CAMTA1: variants seen among roughly 807,000 people sequenced by gnomAD.
The protein encoded by CAMTA1 is calmodulin binding transcription activator 1.
A neutral mutation model predicts 170.9 loss-of-function variants in CAMTA1; 27 were observed. That is an observed-to-expected ratio of 0.16 (90% CI 0.12 to 0.22). The LOEUF (loss-of-function observed/expected upper bound fraction) is 0.22. Among genes scored for constraint, CAMTA1 ranks in the 10% least tolerant of loss-of-function variants. The pLI is 1.00. For synonymous variants in CAMTA1, 833 were observed against 891.5 expected (o/e 0.93, Z 1.17); for missense variants, 1,619 against 2,217.2 (o/e 0.73, Z 5.42).
intron 4 of CAMTA1, among the ~76,000 whole-genome samples, chr1:7,214,183 C>T (rs1239089782): frequency 2.6e-5 from 4 of 152,140 alleles, no homozygotes; most frequent in Non-Finnish European, 5.9e-5. Flanking sequence ...GGAATCGCCA[C>T]ACTGACTTCT....
chr1:7,227,347 A>G (rs1233440146), intron 4 of CAMTA1, among the ~76,000 whole-genome samples: 1 of 152,040 alleles, frequency 6.6e-6, no homozygotes, highest in Non-Finnish European at 1.5e-5. Context: ...TTTTTGTGAG[A>G]TGGAGTTTTT....
rs938665958 is a variant in CAMTA1, at chr1:7,286,299, G to T, written c.438+36673G>T. On this transcript the variant is annotated intron_variant, in intron 5 of 22. Coordinates refer to ENST00000303635, the MANE Select transcript of CAMTA1 (RefSeq NM_015215.4). This position sits in a 1 kb window ranked among gnomAD's most constrained non-coding sequence, Gnocchi z 4.2. ...GGTGGAGGGGCGGAGGCGCCAGGGT[G>T]TGCCACGTGCTTTTAGAGCTGCCCC... 6.6e-6 allele frequency among the ~76,000 whole-genome samples: 1 copy of T among 152,240 alleles called. No individual in the cohort carries two copies. The highest frequency in any genetic ancestry group is 2.4e-5 in the African/African-American group (1 of 41,464).
chr1:7,231,731 A>G (rs549864467), intron 4 of CAMTA1, among the ~76,000 whole-genome samples: 2 of 152,306 alleles, frequency 1.3e-5, no homozygotes, highest in South Asian at 4.1e-4. Flanking sequence ...CAGCTCCCCT[A>G]TGCGGCAGCC....
chr1:7,349,302 C>T (rs1290659582), intron 5 of CAMTA1, among the ~76,000 whole-genome samples: 4 of 152,138 alleles, frequency 2.6e-5, no homozygotes, highest in African/African-American at 7.2e-5. Context: ...AATGGGGCAC[C>T]GTCCTGCCAC....
chr1:6,969,487 G>A (rs1692170132), intron 3 of CAMTA1, among the ~76,000 whole-genome samples: 1 of 152,160 alleles, frequency 6.6e-6, no homozygotes. Context: ...ATCTGCTTTG[G>A]GGCGGTGAGG....
At chr1:6,903,837 CA>C (rs1677665262) in intron 3 of CAMTA1, among the ~76,000 whole-genome samples, 1 of 152,196 alleles carries the variant, frequency 6.6e-6, no homozygotes, top group Non-Finnish European at 1.5e-5. Context: ...ACGGTGTGGA[CA>C]AAGGATTGGA....
intron 4 of CAMTA1, among the ~76,000 whole-genome samples, chr1:7,147,744 GCA>G: frequency 8.4e-6 from 1 of 119,730 alleles, no homozygotes. Flanking sequence ...CATACACCAT[GCA>G]CACACACAAA....
chr1:7,246,487 C>G (rs896413226), intron 4 of CAMTA1, among the ~76,000 whole-genome samples: 1 of 152,010 alleles, frequency 6.6e-6, no homozygotes, highest in Non-Finnish European at 1.5e-5. Flanking sequence ...TGTCTGCCTG[C>G]AATTCCATTC....
intron 4 of CAMTA1, among the ~76,000 whole-genome samples, chr1:7,152,243 C>T (rs1437131485): frequency 1.3e-5 from 2 of 152,136 alleles, no homozygotes; most frequent in Non-Finnish European, 2.9e-5. Context: ...GCCTTGGAGC[C>T]CTTTGTCTCA....
At position 7,195,848 on chromosome 1, in the gene CAMTA1, G is replaced by A. The variant is rs1006666908; in HGVS notation, c.303-53643G>A. Among the ~76,000 whole-genome samples, 3 of 152,090 alleles carry A rather than the reference G, an allele frequency of 2.0e-5. No homozygotes were observed. Among genetic ancestry groups the A allele is most frequent in the Non-Finnish European group, 4.4e-5 (3 of 68,002 alleles). On this transcript the variant is annotated intron_variant, in intron 4 of 22. Transcript: ENST00000303635. The surrounding 1 kb of genome is among the most constrained non-coding windows in gnomAD (Gnocchi z 4.1). ...AGCCTGGCCAACATGGTGAAACCCC[G>A]TCTCTACTAAGAATACAAAAATTAG...
intron 4 of CAMTA1, among the ~76,000 whole-genome samples, chr1:7,186,798 T>C (rs974382073): frequency 1.3e-5 from 2 of 152,182 alleles, no homozygotes; most frequent in African/African-American, 2.4e-5. Context: ...GAATGAATGC[T>C]GTAGTTTAGG....
At chr1:7,288,823 T>A (rs1346175547) in intron 5 of CAMTA1, among the ~76,000 whole-genome samples, 1 of 152,116 alleles carries the variant, frequency 6.6e-6, no homozygotes, top group African/African-American at 2.4e-5. Context: ...GCATTTGGTA[T>A]TAGCGGGAGA....
chr1:6,846,458 C>T (rs983252188), intron 3 of CAMTA1, among the ~76,000 whole-genome samples: 12 of 152,130 alleles, frequency 7.9e-5, no homozygotes, highest in Admixed American at 3.3e-4. Flanking sequence ...GCTTTCCTGC[C>T]TGGGGCTGTA....
Position 6,934,627 on chromosome 1 carries a change from C to T in CAMTA1, c.234+109417C>T, listed in dbSNP as rs765823335. On this transcript the variant is annotated intron_variant, in intron 3 of 22. Transcript: ENST00000303635. This position sits in a 1 kb window ranked among gnomAD's most constrained non-coding sequence, Gnocchi z 4.5. ...TTGCCTTCCAGGGGAGACCTGTGGC[C>T]GGCAGGAGCTGCCCGAGATCCCGGG... is the stretch of plus-strand genomic sequence containing the variant. 2.6e-5 allele frequency among the ~76,000 whole-genome samples: 4 copies of T among 152,124 alleles called. No homozygotes were observed. Among genetic ancestry groups the T allele is most frequent in the Non-Finnish European group, 4.4e-5 (3 of 68,020 alleles).
intron 11 of CAMTA1, among the ~76,000 whole-genome samples, chr1:7,690,785 G>T (rs944022925): frequency 1.3e-5 from 2 of 152,214 alleles, no homozygotes; most frequent in Non-Finnish European, 2.9e-5. Flanking sequence ...CAGTGAGTGG[G>T]TGGCGCAGAG....
chr1:7,187,113 A>C (rs944294790), intron 4 of CAMTA1, among the ~76,000 whole-genome samples: 2 of 152,050 alleles, frequency 1.3e-5, no homozygotes. Context: ...TGACAGTATG[A>C]GAGAGTGGCT....
chr1:7,606,137 C>A (rs554244896), intron 6 of CAMTA1, among the ~76,000 whole-genome samples: 1 of 152,322 alleles, frequency 6.6e-6, no homozygotes, highest in South Asian at 2.1e-4. Flanking sequence ...TCGGTGGAGG[C>A]ATTGGTCAAG....
chr1:6,896,336 T>C (rs1675659703), intron 3 of CAMTA1, among the ~76,000 whole-genome samples: 1 of 152,168 alleles, frequency 6.6e-6, no homozygotes, highest in Non-Finnish European at 1.5e-5. Flanking sequence ...GCGATCTGCC[T>C]CTGTGTCCTT....
chr1:7,053,550 A>G (rs1487416951), intron 3 of CAMTA1, among the ~76,000 whole-genome samples: 1 of 152,086 alleles, frequency 6.6e-6, no homozygotes, highest in African/African-American at 2.4e-5. Flanking sequence ...CTCACTCAGG[A>G]TAGATGCTGA....
Sources: gnomAD v4.1 joint callset for allele counts (sites outside exome capture counted in the v4.1 genomes callset) on GRCh38, gnomAD v4.1.1 for gene constraint, Gnocchi (gnomAD v3.1) non-coding constraint, MANE v1.5 for transcripts, NCBI Gene and HGNC (gene_info 2026-07-23, HGNC 2026-07-21) for gene names.